The following LOC128092253 variants were observed in gnomAD, a reference collection of about 807,000 sequenced individuals.
chr6:133,971,605 TG>T, the LOC128092253 span, among the ~76,000 whole-genome samples: 1 of 151,984 alleles, frequency 6.6e-6, no homozygotes, highest in Non-Finnish European at 1.5e-5. Flanking sequence ...TGTTGTTGTT[TG>T]TTTTTTTATA....
chr6:133,963,990 G>C, the LOC128092253 span, among the ~76,000 whole-genome samples: 2 of 152,086 alleles, frequency 1.3e-5, no homozygotes, highest in Non-Finnish European at 2.9e-5. Flanking sequence ...GCAATGAGCC[G>C]AGATCGTGAC....
chr6:133,974,038 A>G, the LOC128092253 span, among the ~76,000 whole-genome samples: 7 of 151,228 alleles, frequency 4.6e-5, no homozygotes, highest in Non-Finnish European at 1.0e-4. Context: ...TGCTGTGCCA[A>G]TTCTCTGAAT....
chr6:133,955,210 CA>C, the LOC128092253 span, among the ~76,000 whole-genome samples: 1 of 149,568 alleles, frequency 6.7e-6, no homozygotes, highest in African/African-American at 2.5e-5. Flanking sequence ...TCAGGGCTGC[CA>C]TCAGACTCAC....
the LOC128092253 span, among the ~76,000 whole-genome samples, chr6:133,961,465 C>CTTTTTTTTTT: frequency 1.0e-5 from 1 of 100,208 alleles, no homozygotes; most frequent in African/African-American, 3.9e-5. Flanking sequence ...TTCTTTCTTT[C>CTTTTTTTTTT]TTTTTTTTTT....
the LOC128092253 span, among the ~76,000 whole-genome samples, chr6:133,961,528 G>C: frequency 6.9e-6 from 1 of 144,618 alleles, no homozygotes; most frequent in Admixed American, 7.2e-5. Context: ...GAGTGCAGTG[G>C]TGCAATCTCG....
chr6:133,972,851 T>A, the LOC128092253 span, among the ~76,000 whole-genome samples: 1 of 152,174 alleles, frequency 6.6e-6, no homozygotes, highest in Non-Finnish European at 1.5e-5. Flanking sequence ...TTGGCATGGA[T>A]AATAATATTT....
chr6:133,958,852 G>T, the LOC128092253 span, among the ~76,000 whole-genome samples: 7 of 152,162 alleles, frequency 4.6e-5, no homozygotes, highest in East Asian at 5.8e-4. Context: ...ATGTTGTGCT[G>T]GTTTTGTTTA....
the LOC128092253 span, among the ~76,000 whole-genome samples, chr6:133,958,937 CTT>C: frequency 3.0e-4 from 45 of 152,224 alleles, no homozygotes; most frequent in African/African-American, 9.9e-4. Context: ...AGAGGTGTGA[CTT>C]TTGTTTTCCT....
At chr6:133,963,909 C>T in the LOC128092253 span, among the ~76,000 whole-genome samples, 7 of 150,178 alleles carry the variant, frequency 4.7e-5, no homozygotes, top group African/African-American at 9.8e-5. Flanking sequence ...GGCGTGGTGG[C>T]GGGCGCCTGT....
the LOC128092253 span, among the ~76,000 whole-genome samples, chr6:133,963,507 C>T: frequency 6.6e-6 from 1 of 152,172 alleles, no homozygotes; most frequent in Non-Finnish European, 1.5e-5. Context: ...TCACTGCAGC[C>T]TTGACCTCCC....
At chr6:133,964,743 C>T in the LOC128092253 span, among the ~76,000 whole-genome samples, 8 of 152,200 alleles carry the variant, frequency 5.3e-5, no homozygotes, top group Admixed American at 4.6e-4. Context: ...CCACCATGCC[C>T]GGCCGAACTC....
At chr6:133,966,354 T>G in the LOC128092253 span, among the ~76,000 whole-genome samples, 4 of 152,180 alleles carry the variant, frequency 2.6e-5, no homozygotes, top group African/African-American at 9.7e-5. Flanking sequence ...TAAGTATGTA[T>G]AGTAACATTA....
chr6:133,959,464 G>A, the LOC128092253 span, among the ~76,000 whole-genome samples: 3 of 152,018 alleles, frequency 2.0e-5, no homozygotes, highest in Non-Finnish European at 4.4e-5. Context: ...TTTCTCTAGT[G>A]TTCTTTCTTT....
chr6:133,958,665 G>A, the LOC128092253 span, among the ~76,000 whole-genome samples: 1 of 152,150 alleles, frequency 6.6e-6, no homozygotes, highest in African/African-American at 2.4e-5. Flanking sequence ...AAATGTTTCT[G>A]CCTAAACAAA....
chr6:133,972,300 C>T, the LOC128092253 span, among the ~76,000 whole-genome samples: 1 of 152,188 alleles, frequency 6.6e-6, no homozygotes, highest in African/African-American at 2.4e-5. Flanking sequence ...TTCAGATCCA[C>T]TCAAATCACT....
chr6:133,959,648 T>C, the LOC128092253 span, among the ~76,000 whole-genome samples: 3 of 151,790 alleles, frequency 2.0e-5, no homozygotes, highest in Admixed American at 2.0e-4. Context: ...CACCTGGCCA[T>C]TTTTTTGTAT....
the LOC128092253 span, among the ~76,000 whole-genome samples, chr6:133,958,285 A>G: frequency 6.6e-6 from 1 of 152,194 alleles, no homozygotes; most frequent in Non-Finnish European, 1.5e-5. Context: ...AGAAGGCACT[A>G]TTTTTTACTT....
chr6:133,979,470 C>T, the LOC128092253 span, among the ~76,000 whole-genome samples: 1 of 152,136 alleles, frequency 6.6e-6, no homozygotes, highest in Non-Finnish European at 1.5e-5. Context: ...TACTGTGGTA[C>T]ACCTGGAACG....
chr6:133,956,932 A>T, the LOC128092253 span, among the ~76,000 whole-genome samples: 1 of 152,198 alleles, frequency 6.6e-6, no homozygotes, highest in Non-Finnish European at 1.5e-5. Context: ...GGCTACATAG[A>T]CAAATTTGAT....
Sources: allele counts gnomAD v4.1 joint callset (sites outside exome capture counted in the v4.1 genomes callset), GRCh38; gene constraint gnomAD v4.1.1; transcripts MANE v1.5.